The following CHST8 variants were observed in gnomAD, a reference collection of about 807,000 sequenced individuals.
CHST8 encodes carbohydrate sulfotransferase 8, also known as GALNAC-4-ST1.
Under a neutral mutation model 15.0 loss-of-function variants are expected in CHST8, and 10 were observed. The observed-to-expected ratio is 0.67, with a 90% CI of 0.41 to 1.13. The LOEUF (loss-of-function observed/expected upper bound fraction) is 1.13. Ranked by LOEUF, CHST8 falls within the 50% of genes most tolerant of loss-of-function variation. The pLI is 0.00. For synonymous variants in CHST8, 259 were observed against 256.6 expected, an observed-to-expected ratio of 1.01 and a Z score of -0.09; for missense variants, 634 against 608.2, an observed-to-expected ratio of 1.04 and a Z score of -0.45.
chr19:33,652,371 TC>T (rs1290795082), intron 1 of CHST8, among the ~76,000 whole-genome samples: 2 of 139,590 alleles, frequency 1.4e-5, no homozygotes, highest in African/African-American at 5.2e-5. Flanking sequence ...ATTTTCTCTC[TC>T]TTTTTTTTTT....
At chr19:33,750,411 G>C (rs1021724596) in intron 3 of CHST8, among the ~76,000 whole-genome samples, 5 of 152,172 alleles carry the variant, frequency 3.3e-5, no homozygotes, top group African/African-American at 1.2e-4. Context: ...CCAGGGCCTG[G>C]ATCTGAGAGC....
rs777149743 is a variant in CHST8, at chr19:33,757,532, GA to G, written c.131-13878del. Reference sequence around the variant, plus strand: ...AAAGAAAGAAAGAAAGAGAAAGAAAGAAAGAAAGAAAGAAAGAAAGAAAGAA... The same window carrying G: ...AAAGAAAGAAAGAAAGAGAAAGAAAGAAGAAAGAAAGAAAGAAAGAAAGAA... On this transcript the variant is annotated intron_variant, in intron 3 of 4. Coordinates refer to ENST00000650847, the MANE Select transcript of CHST8 (RefSeq NM_001127895.2). Among the ~76,000 whole-genome samples, 114 of 46,918 alleles carry G rather than the reference GA, an allele frequency of 2.4e-3. 9 individuals carry two copies. Among genetic ancestry groups the G allele is most frequent in the Middle Eastern group, 0.011 (1 of 90 alleles). The allele number at this position is 46,918 out of a possible 152,430, so 30.8% of individuals were successfully genotyped here.
rs71181374 is a variant in CHST8, at chr19:33,659,059, C to CTTTTTTTTTTTTTTTTTTTTTTT, written c.-163-8707_-163-8685dup. On this transcript the variant is annotated intron_variant, in intron 1 of 4. Coordinates refer to ENST00000650847, the MANE Select transcript of CHST8 (RefSeq NM_001127895.2). ...TTATTGTTTCATGGTTAGGTAATGA[C>CTTTTTTTTTTTTTTTTTTTTTTT]TTTTTTTTTTTTTTTTTTTTTTTGA... Among the ~76,000 whole-genome samples, 2 of 78,840 alleles carry CTTTTTTTTTTTTTTTTTTTTTTT rather than the reference C, an allele frequency of 2.5e-5. 1 individual carries two copies. 51.7% of individuals were successfully genotyped at this position (78,840 alleles called of 152,430 possible).
chr19:33,650,005 T>C (rs1972413130), intron 1 of CHST8, among the ~76,000 whole-genome samples: 1 of 152,192 alleles, frequency 6.6e-6, no homozygotes, highest in South Asian at 2.1e-4. Flanking sequence ...GTGTGTGACT[T>C]TATCCTTGCC....
chr19:33,757,450 GAAAGAA>G (rs1974585379), intron 3 of CHST8, among the ~76,000 whole-genome samples: 2 of 31,022 alleles, frequency 6.4e-5, no homozygotes, highest in Non-Finnish European at 1.3e-4. Flanking sequence ...AAGAAAGAAA[GAAAGAA>G]AGAAAGAAAG....
chr19:33,627,746 C>T (rs1226936191), intron 1 of CHST8, among the ~76,000 whole-genome samples: 1 of 152,130 alleles, frequency 6.6e-6, no homozygotes, highest in Non-Finnish European at 1.5e-5. Flanking sequence ...CTCCTGGTGC[C>T]AGGCCTGTTG....
chr19:33,629,306 A>T (rs558436645), intron 1 of CHST8, among the ~76,000 whole-genome samples: 3 of 152,210 alleles, frequency 2.0e-5, no homozygotes, highest in East Asian at 3.9e-4. Context: ...TTCACCTGCC[A>T]CCTGCCTGAT....
intron 3 of CHST8, among the ~76,000 whole-genome samples, chr19:33,723,401 G>A (rs1973838174): frequency 6.6e-6 from 1 of 152,204 alleles, no homozygotes; most frequent in Admixed American, 6.5e-5. Context: ...AGGGGCCTGT[G>A]TTCATCATCA....
chr19:33,715,810 C>T (rs544303013), intron 3 of CHST8, among the ~76,000 whole-genome samples: 2 of 152,312 alleles, frequency 1.3e-5, no homozygotes, highest in South Asian at 2.1e-4. Context: ...AGTCATTGAG[C>T]ACCTGCTGTG....
chr19:33,694,408 C>T (rs1008392411), intron 3 of CHST8, among the ~76,000 whole-genome samples: 1 of 151,194 alleles, frequency 6.6e-6, no homozygotes, highest in Admixed American at 6.6e-5. Context: ...CTGTGGTGGA[C>T]AGCAAAGATC....
chr19:33,758,926 G>C (rs1285268614), intron 3 of CHST8, among the ~76,000 whole-genome samples: 2 of 152,058 alleles, frequency 1.3e-5, no homozygotes, highest in South Asian at 2.1e-4. Flanking sequence ...TCTTGGCGGG[G>C]GGGGGCGGTG....
chr19:33,737,831 C>T (rs1376598224), intron 3 of CHST8, among the ~76,000 whole-genome samples: 1 of 152,174 alleles, frequency 6.6e-6, no homozygotes, highest in Non-Finnish European at 1.5e-5. Context: ...AAGCCCATTC[C>T]CTCTGCATTT....
chr19:33,762,964 G>C (rs1974767691), intron 3 of CHST8, among the ~76,000 whole-genome samples: 1 of 151,630 alleles, frequency 6.6e-6, no homozygotes, highest in South Asian at 2.1e-4. Context: ...CACTTCCCAG[G>C]TTCAAGTGAT....
intron 1 of CHST8, among the ~76,000 whole-genome samples, chr19:33,665,646 A>C (rs59964242): frequency 0.21 from 32,312 of 152,080 alleles, 3,797 homozygotes; most frequent in Admixed American, 0.35. Flanking sequence ...TGAAAAAAAA[A>C]AAAAGCTTTT....
At chr19:33,655,014 T>C (rs945509231) in intron 1 of CHST8, among the ~76,000 whole-genome samples, 3 of 152,188 alleles carry the variant, frequency 2.0e-5, no homozygotes, top group African/African-American at 7.2e-5. Context: ...ATCCCAGTGC[T>C]TCTTGAGGCT....
intron 3 of CHST8, among the ~76,000 whole-genome samples, chr19:33,691,854 A>G (rs902595582): frequency 2.0e-5 from 3 of 152,218 alleles, no homozygotes; most frequent in Non-Finnish European, 4.4e-5. Context: ...AGTGGAGATG[A>G]GCGGATCTAC....
chr19:33,744,693 T>C (rs182132672), intron 3 of CHST8, among the ~76,000 whole-genome samples: 17 of 152,222 alleles, frequency 1.1e-4, no homozygotes, highest in South Asian at 2.1e-4. Flanking sequence ...GCCTCCTGGG[T>C]AGCTGCAACC....
In CHST8 at chr19:33,667,070, G is replaced by A. The variant is rs374097613; in HGVS notation, c.-163-697G>A. On this transcript the variant is annotated intron_variant, in intron 1 of 4. Coordinates refer to ENST00000650847, the MANE Select transcript of CHST8 (RefSeq NM_001127895.2). Reference sequence around the variant, plus strand: ...GTGATCACAGGCGTGTGTATGCATCGAGTGCCCATGAGAAGGCACCTAGGT... The same window carrying A: ...GTGATCACAGGCGTGTGTATGCATCAAGTGCCCATGAGAAGGCACCTAGGT... 1.4e-4 allele frequency among the ~76,000 whole-genome samples: 21 copies of A among 152,234 alleles called. No homozygotes were observed. The East Asian group carries it at 2.7e-3, about 20-fold the overall frequency.
At chr19:33,741,229 G>T (rs1974184928) in intron 3 of CHST8, among the ~76,000 whole-genome samples, 1 of 152,192 alleles carries the variant, frequency 6.6e-6, no homozygotes, top group South Asian at 2.1e-4. Context: ...AGTCCTGCCA[G>T]GCCCTGACCA....
Sources: gnomAD v4.1 joint callset for allele counts (sites outside exome capture counted in the v4.1 genomes callset) on GRCh38, gnomAD v4.1.1 for gene constraint, MANE v1.5 for transcripts, NCBI Gene and HGNC (gene_info 2026-07-23, HGNC 2026-07-21) for gene names.